LPP: variants seen among roughly 807,000 people sequenced by gnomAD.
LPP encodes lipoma-preferred partner.
A neutral mutation model predicts 60.4 loss-of-function variants in LPP; 38 were observed. That is an observed-to-expected ratio of 0.63 (90% CI 0.49 to 0.83). The LOEUF is 0.83. Ranked by LOEUF, LPP falls within the 40% of genes least tolerant of loss-of-function variation. The pLI, the probability that LPP is intolerant of heterozygous loss-of-function variation, is 0.00. For missense variants in LPP, 902 were observed against 783.6 expected, an observed-to-expected ratio of 1.15 and a Z score of -1.80; for synonymous variants, 328 against 290.8, an observed-to-expected ratio of 1.13 and a Z score of -1.30.
chr3:188,525,451 C>A (rs1041186070), intron 6 of LPP, among the ~76,000 whole-genome samples: 2 of 152,188 alleles, frequency 1.3e-5, no homozygotes, highest in Non-Finnish European at 2.9e-5. Context: ...TTGCCTTGCT[C>A]TTCTTACAGC....
chr3:188,642,234 A>G (rs1163808874), intron 7 of LPP, among the ~76,000 whole-genome samples: 1 of 152,064 alleles, frequency 6.6e-6, no homozygotes, highest in African/African-American at 2.4e-5. Flanking sequence ...TAAATTATTT[A>G]TTTCCCATTT....
At chr3:188,239,845 A>G (rs531668588) in intron 2 of LPP, 3 of 214,858 alleles carry the variant, frequency 1.4e-5, no homozygotes, top group South Asian at 1.9e-4. Flanking sequence ...GTAAACACCA[A>G]TACAGTCAAG....
At chr3:188,611,354 G>T (rs1419267724) in intron 7 of LPP, among the ~76,000 whole-genome samples, 1 of 152,156 alleles carries the variant, frequency 6.6e-6, no homozygotes, top group Non-Finnish European at 1.5e-5. Flanking sequence ...AAATGAATTT[G>T]TCCATAATAG....
chr3:188,664,441 C>G (rs2149160461), intron 7 of LPP, among the ~76,000 whole-genome samples: 1 of 152,316 alleles, frequency 6.6e-6, no homozygotes, highest in Middle Eastern at 3.4e-3. Flanking sequence ...CAAAAGACTT[C>G]TGGTTTTAAT....
At chr3:188,469,682 G>T (rs192166375) in intron 4 of LPP, among the ~76,000 whole-genome samples, 47 of 152,138 alleles carry the variant, frequency 3.1e-4, no homozygotes, top group African/African-American at 1.1e-3. Context: ...TTTAGTTACG[G>T]TCTTATGCTT....
chr3:188,256,191 A>G (rs962401520), intron 2 of LPP, among the ~76,000 whole-genome samples: 1 of 152,210 alleles, frequency 6.6e-6, no homozygotes, highest in African/African-American at 2.4e-5. Flanking sequence ...TTAAATAATT[A>G]AGAACTTTCA....
At chr3:188,362,867 T>G (rs572345027) in intron 3 of LPP, among the ~76,000 whole-genome samples, 1 of 152,338 alleles carries the variant, frequency 6.6e-6, no homozygotes, top group Non-Finnish European at 1.5e-5. Flanking sequence ...CCTTCCATTT[T>G]GATACTTTAA....
intron 7 of LPP, among the ~76,000 whole-genome samples, chr3:188,688,375 A>G (rs1861327729): frequency 6.6e-6 from 1 of 152,230 alleles, no homozygotes; most frequent in South Asian, 2.1e-4. Context: ...TCAGTTGGAT[A>G]AATCTACCCT....
At position 188,352,745 on chromosome 3, in the gene LPP, TC is replaced by T. The variant is rs1766291561; in HGVS notation, c.-10+11028del. 1.3e-5 allele frequency among the ~76,000 whole-genome samples: 2 copies of T among 152,108 alleles called. No individual in the cohort carries two copies. ...AGCCCTGCCTGAGTGCGCACTTCAGTCCTGAAAGCTGCAGAGGGATGGGCTG... is the reference window on the plus strand; with the variant it reads ...AGCCCTGCCTGAGTGCGCACTTCAGTCTGAAAGCTGCAGAGGGATGGGCTG... On this transcript the variant is annotated intron_variant, in intron 3 of 11. Transcript: ENST00000617246. The surrounding 1 kb of genome is among the most constrained non-coding windows in gnomAD (Gnocchi z 4.4).
intron 3 of LPP, among the ~76,000 whole-genome samples, chr3:188,354,479 T>G (rs980714757): frequency 2.0e-5 from 3 of 152,224 alleles, no homozygotes; most frequent in Admixed American, 2.0e-4. Context: ...TAAAGTTTTC[T>G]GTATTTTCAA....
chr3:188,733,408 G>C (rs1721366889), intron 8 of LPP, among the ~76,000 whole-genome samples: 2 of 151,856 alleles, frequency 1.3e-5, no homozygotes, highest in Non-Finnish European at 1.5e-5. Context: ...CAATACCCCT[G>C]AAAAATAATT....
intron 7 of LPP, among the ~76,000 whole-genome samples, chr3:188,676,240 A>T (rs1858055421): frequency 6.6e-6 from 1 of 152,180 alleles, no homozygotes; most frequent in Admixed American, 6.5e-5. Flanking sequence ...TAGTGGGGAG[A>T]TACACTAAAA....
intron 7 of LPP, among the ~76,000 whole-genome samples, chr3:188,660,920 T>C (rs1255897203): frequency 1.3e-5 from 2 of 152,080 alleles, no homozygotes; most frequent in Non-Finnish European, 2.9e-5. Flanking sequence ...CTTTGATGAG[T>C]GTGTAGCATT....
intron 1 of LPP, among the ~76,000 whole-genome samples, chr3:188,211,952 G>A (rs1011107547): frequency 5.3e-5 from 8 of 152,078 alleles, no homozygotes; most frequent in Admixed American, 2.6e-4. Flanking sequence ...TCCGCCTCCC[G>A]GGTTCAAGTG....
chr3:188,737,670 T>C (rs989641645), intron 8 of LPP, among the ~76,000 whole-genome samples: 6 of 152,154 alleles, frequency 3.9e-5, no homozygotes, highest in Admixed American at 3.9e-4. Flanking sequence ...CCAGGCTGAG[T>C]TTGGGCTGGC....
intron 2 of LPP, among the ~76,000 whole-genome samples, chr3:188,331,375 TC>T (rs1366172414): frequency 6.6e-6 from 1 of 152,202 alleles, no homozygotes; most frequent in Non-Finnish European, 1.5e-5. Context: ...CTATGTAGCC[TC>T]CACTTGAACT....
At chr3:188,690,062 TGTGACAA>T (rs1861764513) in intron 7 of LPP, among the ~76,000 whole-genome samples, 1 of 152,196 alleles carries the variant, frequency 6.6e-6, no homozygotes, top group Non-Finnish European at 1.5e-5. Flanking sequence ...AATATTTACA[TGTGACAA>T]ACTCTGAAAG....
chr3:188,722,388 A>G (rs9848114), intron 8 of LPP, among the ~76,000 whole-genome samples: 33,930 of 152,038 alleles, frequency 0.22, 4,739 homozygotes, highest in Middle Eastern at 0.46. Context: ...GCAATAGTCT[A>G]ATGTAGATGA....
chr3:188,508,573 A>C (rs973408032), intron 5 of LPP, among the ~76,000 whole-genome samples: 1 of 152,186 alleles, frequency 6.6e-6, no homozygotes, highest in African/African-American at 2.4e-5. Context: ...GCCAACTTAT[A>C]GTTGATTTAT....
Sources: allele counts gnomAD v4.1 joint callset (sites outside exome capture counted in the v4.1 genomes callset), GRCh38; gene constraint gnomAD v4.1.1; non-coding constraint Gnocchi (gnomAD v3.1); transcripts MANE v1.5; gene names NCBI Gene and HGNC (gene_info 2026-07-23, HGNC 2026-07-21).